PRLR: variants seen among roughly 807,000 people sequenced by gnomAD.
PRLR encodes the protein prolactin receptor, also known as hPRL receptor.
PRLR carries 13 observed loss-of-function variants against 40.2 expected under a neutral mutation model. That is an observed-to-expected ratio of 0.32 (90% CI 0.21 to 0.51). The LOEUF (loss-of-function observed/expected upper bound fraction) is 0.51. Ranked by LOEUF, PRLR falls within the 20% of genes least tolerant of loss-of-function variation. The probability of loss-of-function intolerance (pLI) is 0.97; values close to 1 mark genes in which losing one functional copy is unlikely to be tolerated. For synonymous variants in PRLR, 269 were observed against 278.7 expected, an observed-to-expected ratio of 0.97 and a Z score of 0.35; for missense variants, 656 against 747.3, an observed-to-expected ratio of 0.88 and a Z score of 1.42.
chr5:35,132,229 T>C (rs184703040), intron 1 of PRLR, among the ~76,000 whole-genome samples: 3 of 152,270 alleles, frequency 2.0e-5, no homozygotes, highest in East Asian at 3.9e-4. Flanking sequence ...TCTAGGTCTT[T>C]AGGAAAAGCA....
intron 1 of PRLR, among the ~76,000 whole-genome samples, chr5:35,159,798 C>T (rs1774622299): frequency 6.6e-6 from 1 of 152,168 alleles, no homozygotes; most frequent in South Asian, 2.1e-4. Context: ...CAAGTGCAAC[C>T]CAAGCCACCA....
chr5:35,217,321 C>T (rs1776309361), intron 1 of PRLR, among the ~76,000 whole-genome samples: 1 of 152,208 alleles, frequency 6.6e-6, no homozygotes, highest in Non-Finnish European at 1.5e-5. Flanking sequence ...TTAACTCTGT[C>T]TAGATTATTT....
At chr5:35,202,881 G>A (rs943275274) in intron 1 of PRLR, among the ~76,000 whole-genome samples, 2 of 152,286 alleles carry the variant, frequency 1.3e-5, no homozygotes, top group South Asian at 2.1e-4. Flanking sequence ...CTGGAAAAAC[G>A]TTCAAGTGGC....
At position 35,206,546 on chromosome 5, in the gene PRLR, T is replaced by C. The variant is rs181114514; in HGVS notation, c.-106+23722A>G. ...TATTCTTACCAATACTGAGGAAAGG[T>C]TGGAAGGAAGTAAAAATGGATTAAA... is the stretch of plus-strand genomic sequence containing the variant. On this transcript the variant is annotated intron_variant, in intron 1 of 9. Coordinates refer to ENST00000618457, the MANE Select transcript of PRLR (RefSeq NM_000949.7). Among the ~76,000 whole-genome samples, 6 of 151,946 alleles carry C rather than the reference T, an allele frequency of 3.9e-5. No individual in the cohort carries two copies. In the East Asian group the frequency reaches 9.7e-4, roughly 24 times the overall value.
At chr5:35,124,127 C>A (rs1455238062) in intron 1 of PRLR, among the ~76,000 whole-genome samples, 1 of 152,090 alleles carries the variant, frequency 6.6e-6, no homozygotes, top group African/African-American at 2.4e-5. Flanking sequence ...AAAATGTATC[C>A]AAAGGCACAA....
chr5:35,069,290 A>G (rs901368888), intron 7 of PRLR, among the ~76,000 whole-genome samples: 10 of 152,218 alleles, frequency 6.6e-5, no homozygotes, highest in East Asian at 5.8e-4. Flanking sequence ...AGATTTACCA[A>G]TGGCCACATA....
At chr5:35,078,506 A>G (rs1373393664) in intron 5 of PRLR, among the ~76,000 whole-genome samples, 1 of 152,176 alleles carries the variant, frequency 6.6e-6, no homozygotes, top group Non-Finnish European at 1.5e-5. Context: ...TAAACCAGGA[A>G]GAAGTTGAAT....
At chr5:35,050,122 C>T (rs1031192275) in intron 8 of PRLR, among the ~76,000 whole-genome samples, 1 of 152,168 alleles carries the variant, frequency 6.6e-6, no homozygotes, top group African/African-American at 2.4e-5. Context: ...TGGTCTCGAA[C>T]TCCTGACCTC....
At chr5:35,083,118 T>G (rs1306036253) in intron 5 of PRLR, among the ~76,000 whole-genome samples, 1 of 151,314 alleles carries the variant, frequency 6.6e-6, no homozygotes, top group East Asian at 1.9e-4. Flanking sequence ...TTATATAAAA[T>G]TTGTCATTCA....
downstream of PRLR, among the ~76,000 whole-genome samples, chr5:35,054,828 T>C (rs1768638924): frequency 6.6e-6 from 1 of 152,212 alleles, no homozygotes; most frequent in Non-Finnish European, 1.5e-5. Flanking sequence ...TCATATTATT[T>C]AGGGATAGAT....
intron 1 of PRLR, among the ~76,000 whole-genome samples, chr5:35,203,721 C>A (rs913099103): frequency 6.6e-6 from 1 of 152,070 alleles, no homozygotes; most frequent in Non-Finnish European, 1.5e-5. Context: ...AGGAAAGAAG[C>A]AAAGTATTAA....
intron 2 of PRLR, among the ~76,000 whole-genome samples, chr5:35,101,055 G>A (rs970596835): frequency 2.6e-4 from 39 of 152,316 alleles, no homozygotes; most frequent in South Asian, 2.1e-4. Flanking sequence ...ATTTAACCAA[G>A]TAGAAGAGCA....
At chr5:35,088,228 G>A (rs765311295) in intron 3 of PRLR, among the ~76,000 whole-genome samples, 21 of 152,286 alleles carry the variant, frequency 1.4e-4, no homozygotes, top group African/African-American at 2.2e-4. Context: ...GCTAAAACCC[G>A]TCCTTGCCAG....
At chr5:35,145,264 G>T (rs1264908025) in intron 1 of PRLR, among the ~76,000 whole-genome samples, 1 of 151,898 alleles carries the variant, frequency 6.6e-6, no homozygotes, top group Non-Finnish European at 1.5e-5. Flanking sequence ...TGTCCTGTGG[G>T]TGATTTAATA....
intron 1 of PRLR, among the ~76,000 whole-genome samples, chr5:35,124,896 T>C (rs1266320483): frequency 2.6e-5 from 4 of 152,222 alleles, no homozygotes; most frequent in African/African-American, 9.6e-5. Context: ...TGGTGTTCTC[T>C]GAGGGTAATA....
intron 9 of PRLR, among the ~76,000 whole-genome samples, chr5:35,067,091 A>T (rs924976260): frequency 5.9e-5 from 9 of 152,110 alleles, no homozygotes; most frequent in Non-Finnish European, 1.0e-4. Context: ...GACTTGGGTC[A>T]GGTACTGACC....
At chr5:35,102,870 A>C (rs1362980561) in intron 2 of PRLR, among the ~76,000 whole-genome samples, 1 of 152,006 alleles carries the variant, frequency 6.6e-6, no homozygotes, top group East Asian at 1.9e-4. Flanking sequence ...CTTTTTCTTT[A>C]CATTCAATTT....
chr5:35,136,589 G>T (rs530388974), intron 1 of PRLR, among the ~76,000 whole-genome samples: 1 of 152,268 alleles, frequency 6.6e-6, no homozygotes, highest in Admixed American at 6.5e-5. Flanking sequence ...CAGCATCAGG[G>T]TGAAGACTCA....
intron 5 of PRLR, chr5:35,081,387 T>G (rs1770506104): frequency 4.6e-6 from 1 of 218,412 alleles, no homozygotes. Context: ...GGAAGCTCAA[T>G]GGCATGGCCT....
Sources: gnomAD v4.1 joint callset for allele counts (sites outside exome capture counted in the v4.1 genomes callset) on GRCh38, gnomAD v4.1.1 for gene constraint, MANE v1.5 for transcripts, NCBI Gene and HGNC (gene_info 2026-07-23, HGNC 2026-07-21) for gene names.